MYRIP: variants seen among roughly 807,000 people sequenced by gnomAD.
MYRIP encodes rab effector MyRIP.
In MYRIP, 49 loss-of-function variants were observed where a neutral mutation model predicts 98.0. The ratio of observed to expected loss-of-function variants is 0.50; its 90% CI spans 0.40 to 0.63. MYRIP has a LOEUF of 0.63. Ranked by LOEUF, MYRIP falls within the 30% of genes least tolerant of loss-of-function variation. The pLI is 0.00. For synonymous variants in MYRIP, 404 were observed against 409.5 expected, an observed-to-expected ratio of 0.99 and a Z score of 0.16; for missense variants, 1,004 against 1,058.2, an observed-to-expected ratio of 0.95 and a Z score of 0.71.
chr3:40,079,095 G>A (rs1442936040), intron 3 of MYRIP, among the ~76,000 whole-genome samples: 1 of 152,226 alleles, frequency 6.6e-6, no homozygotes, highest in Non-Finnish European at 1.5e-5. Context: ...AAAGAGGAAA[G>A]AGAAGCTAGA....
chr3:40,256,297 A>C (rs1953586267), intron 16 of MYRIP, among the ~76,000 whole-genome samples: 1 of 152,194 alleles, frequency 6.6e-6, no homozygotes, highest in African/African-American at 2.4e-5. Flanking sequence ...CACACACTTC[A>C]AAATAACTAC....
intron 3 of MYRIP, among the ~76,000 whole-genome samples, chr3:40,091,563 C>T (rs1948737953): frequency 6.6e-6 from 1 of 152,184 alleles, no homozygotes; most frequent in Admixed American, 6.6e-5. Context: ...ATCACAAACA[C>T]CCCAGACCTC....
intron 9 of MYRIP, among the ~76,000 whole-genome samples, chr3:40,183,273 G>A (rs1341269433): frequency 6.6e-6 from 1 of 152,178 alleles, no homozygotes; most frequent in Non-Finnish European, 1.5e-5. Flanking sequence ...AGAGTCTTTG[G>A]TGGGCAGTTG....
intron 12 of MYRIP, among the ~76,000 whole-genome samples, chr3:40,241,761 T>C (rs915351094): frequency 6.6e-6 from 1 of 152,202 alleles, no homozygotes; most frequent in Non-Finnish European, 1.5e-5. Flanking sequence ...GAAGGGGTCA[T>C]AGATTACTCA....
intron 3 of MYRIP, among the ~76,000 whole-genome samples, chr3:40,069,659 C>T (rs1188285757): frequency 1.3e-5 from 2 of 152,148 alleles, no homozygotes; most frequent in African/African-American, 4.8e-5. Flanking sequence ...ACTTTAGGTA[C>T]CTCATATAGG....
intron 2 of MYRIP, among the ~76,000 whole-genome samples, chr3:39,968,471 G>A (rs1945496021): frequency 6.6e-6 from 1 of 152,144 alleles, no homozygotes; most frequent in South Asian, 2.1e-4. Flanking sequence ...CCACATTTAA[G>A]TCTTTAACCT....
At chr3:40,178,156 C>G (rs1010482966) in intron 8 of MYRIP, among the ~76,000 whole-genome samples, 2 of 152,094 alleles carry the variant, frequency 1.3e-5, no homozygotes, top group Admixed American at 6.5e-5. Context: ...AGAGCAAAGA[C>G]TGTTTTAAAG....
At chr3:39,882,028 A>T (rs1943168792) in intron 1 of MYRIP, among the ~76,000 whole-genome samples, 1 of 152,152 alleles carries the variant, frequency 6.6e-6, no homozygotes, top group South Asian at 2.1e-4. Context: ...TTTTACTAGA[A>T]GTATTTTTGT....
chr3:40,197,087 A>G (rs1458353864), intron 10 of MYRIP, among the ~76,000 whole-genome samples: 1 of 152,158 alleles, frequency 6.6e-6, no homozygotes, highest in Non-Finnish European at 1.5e-5. Flanking sequence ...TTTGTGGAAG[A>G]CAGTTTTTCT....
chr3:40,070,130 C>G (rs1948195936), intron 3 of MYRIP, among the ~76,000 whole-genome samples: 1 of 152,108 alleles, frequency 6.6e-6, no homozygotes, highest in Non-Finnish European at 1.5e-5. Flanking sequence ...TCCCTTAATG[C>G]CCAAAACAGA....
intron 12 of MYRIP, chr3:40,242,340 T>C (rs1042497792): frequency 6.6e-6 from 1 of 152,208 alleles, no homozygotes; most frequent in African/African-American, 2.4e-5. Context: ...ACTTTGGCTG[T>C]AAATTCCTGT....
chr3:39,977,406 G>A (rs1945784976), intron 2 of MYRIP, among the ~76,000 whole-genome samples: 1 of 152,142 alleles, frequency 6.6e-6, no homozygotes. Context: ...CCCAGTTGAC[G>A]ATGGAATTGT....
chr3:40,181,663 A>G (rs1013931841), intron 8 of MYRIP, among the ~76,000 whole-genome samples: 10 of 152,150 alleles, frequency 6.6e-5, no homozygotes, highest in Admixed American at 2.6e-4. Context: ...TACAACATAT[A>G]TATATATAAT....
At chr3:40,196,406 T>C (rs1951396198) in intron 10 of MYRIP, among the ~76,000 whole-genome samples, 1 of 152,226 alleles carries the variant, frequency 6.6e-6, no homozygotes, top group African/African-American at 2.4e-5. Flanking sequence ...AGCCTTGATA[T>C]GCAATCCATT....
chr3:40,177,415 G>T (rs1021945533), intron 8 of MYRIP, among the ~76,000 whole-genome samples: 1 of 152,112 alleles, frequency 6.6e-6, no homozygotes, highest in Non-Finnish European at 1.5e-5. Flanking sequence ...TCCTGATAGG[G>T]CCTCCCCTTT....
chr3:40,209,360 T>C (rs1208959053), intron 10 of MYRIP: 1 of 153,286 alleles, frequency 6.5e-6, no homozygotes, highest in African/African-American at 2.4e-5. Context: ...AAATGATAAA[T>C]GTTTGAAGTG....
At chr3:39,843,924 ATGT>A (rs1473937030) in intron 1 of MYRIP, among the ~76,000 whole-genome samples, 2 of 152,138 alleles carry the variant, frequency 1.3e-5, no homozygotes, top group African/African-American at 4.8e-5. Context: ...ATGCATAACC[ATGT>A]TGTTGGCCTC....
Position 40,250,433 on chromosome 3 carries a change from T to C in MYRIP, c.2368-6T>C, listed in dbSNP as rs375726220. The C allele has an allele frequency of 8.7e-6, 14 of 1,614,082 alleles. No individual in the cohort carries two copies. In the African/African-American group the frequency reaches 1.3e-4, roughly 15 times the overall value. ...AGGTATATTGCTCATTGTGTTCTGTTTGTAGGTACAAACCATAGATACATC... is the reference window on the plus strand; with the variant it reads ...AGGTATATTGCTCATTGTGTTCTGTCTGTAGGTACAAACCATAGATACATC... On this transcript the variant is annotated splice_region_variant and splice_polypyrimidine_tract_variant and intron_variant, in intron 14 of 16. Coordinates refer to ENST00000302541, the MANE Select transcript of MYRIP (RefSeq NM_015460.4).
At chr3:40,097,760 C>G (rs1575535570) in intron 3 of MYRIP, among the ~76,000 whole-genome samples, 1 of 152,192 alleles carries the variant, frequency 6.6e-6, no homozygotes, top group South Asian at 2.1e-4. Context: ...AGACAGAAGT[C>G]TGCAGAGGCA....
Sources: gnomAD v4.1 joint callset for allele counts (sites outside exome capture counted in the v4.1 genomes callset) on GRCh38, gnomAD v4.1.1 for gene constraint, MANE v1.5 for transcripts, NCBI Gene and HGNC (gene_info 2026-07-23, HGNC 2026-07-21) for gene names.